The following NLRP13 variants were observed in gnomAD, a reference collection of about 807,000 sequenced individuals.
The protein encoded by NLRP13 is NLR family pyrin domain containing 13.
NLRP13 carries 82 observed loss-of-function variants against 94.4 expected under a neutral mutation model. The ratio of observed to expected loss-of-function variants is 0.87; its 90% CI spans 0.73 to 1.04. The LOEUF (loss-of-function observed/expected upper bound fraction) is 1.04, where lower values mean the gene tolerates loss of function less well. NLRP13 is among the 50% of genes least tolerant of loss of function. NLRP13 has a pLI of 0.00. For missense variants in NLRP13, 1,426 were observed against 1,230.8 expected (o/e 1.16, Z -2.37); for synonymous variants, 553 against 464.7 (o/e 1.19, Z -2.45).
intron 4 of NLRP13, among the ~76,000 whole-genome samples, chr19:55,921,690 G>A (rs1986831365): frequency 6.6e-6 from 1 of 152,138 alleles, no homozygotes; most frequent in South Asian, 2.1e-4. Flanking sequence ...GGATTATCTG[G>A]GGGGCTAATA....
chr19:55,906,975 T>C (rs895527473), intron 7 of NLRP13, among the ~76,000 whole-genome samples: 4 of 152,096 alleles, frequency 2.6e-5, no homozygotes, highest in African/African-American at 9.7e-5. Context: ...TATTTTTTTT[T>C]TTGAGTTAGA....
chr19:55,906,706 G>T (rs1481508962), intron 7 of NLRP13, among the ~76,000 whole-genome samples: 1 of 152,006 alleles, frequency 6.6e-6, no homozygotes, highest in Non-Finnish European at 1.5e-5. Context: ...TATCACAGAG[G>T]CCCCGAGACA....
intron 9 of NLRP13, among the ~76,000 whole-genome samples, chr19:55,900,297 T>TA (rs1363465968): frequency 1.3e-5 from 2 of 152,226 alleles, no homozygotes; most frequent in African/African-American, 4.8e-5. Context: ...TGGAAGTTTT[T>TA]ATCAATGGTT....
intron 1 of NLRP13, 151 bp from the exon 2 acceptor site, chr19:55,925,186 A>G (rs974126436): frequency 1.4e-6 from 1 of 699,146 alleles, no homozygotes; most frequent in Non-Finnish European, 2.5e-6. Flanking sequence ...CATTAGCCCA[A>G]CTGAAGATGC....
intron 4 of NLRP13, among the ~76,000 whole-genome samples, chr19:55,913,767 G>A (rs1007177616): frequency 2.6e-5 from 4 of 151,796 alleles, no homozygotes; most frequent in African/African-American, 9.7e-5. Context: ...GTACTTTCAG[G>A]CGGGGGGAAG....
rs568131026 is a variant in NLRP13, at chr19:55,898,427, C to T, written c.2957+343G>A. ...GTTTCCCCATGTTGGCCAGGCTTGT[C>T]TTGAGCTCCTGACCTCAGGTGATCC... On this transcript the variant is annotated intron_variant, in intron 10 of 10. Transcript: ENST00000342929. Among the ~76,000 whole-genome samples the T allele has an allele frequency of 4.6e-5, 7 of 152,276 alleles. No individual in the cohort carries two copies. In the East Asian group the frequency reaches 1.4e-3, roughly 29 times the overall value.
At chr19:55,899,480 C>T (rs1049967439) in intron 9 of NLRP13, among the ~76,000 whole-genome samples, 1 of 149,608 alleles carries the variant, frequency 6.7e-6, no homozygotes, top group East Asian at 2.0e-4. Context: ...AAACCCACCC[C>T]CCCCATCCCA....
At position 55,924,969 on chromosome 19, in the gene NLRP13, G is replaced by A; in HGVS notation, c.386C>T (p.Ala129Val). 6.2e-7 allele frequency: 1 copy of A among 1,613,368 alleles called. No individual in the cohort carries two copies. The highest frequency in any genetic ancestry group is 8.5e-7 in the Non-Finnish European group (1 of 1,179,330). Reference sequence around the variant, plus strand: ...TCAACTTAAAGTAGTGTACACACCTGCTGCTGCTTCTAGCATCTCTAGATC... The same window carrying A: ...TCAACTTAAAGTAGTGTACACACCTACTGCTGCTTCTAGCATCTCTAGATC... ...QEDLEMLEAA[A>V]GNMQTQGCQD... The change falls in exon 2 of 11, where the codon GCA (alanine) becomes GTA (valine). Residue 129 changes from alanine to valine, a missense_variant and splice_region_variant. Coordinates refer to ENST00000342929, the MANE Select transcript of NLRP13 (RefSeq NM_176810.2).
rs554800805 is a variant in NLRP13, at chr19:55,899,188, C to T, written c.2790-251G>A. On this transcript the variant is annotated intron_variant, in intron 9 of 10. Coordinates refer to ENST00000342929, the MANE Select transcript of NLRP13 (RefSeq NM_176810.2). ...CCCACGCCCCCCGCAGGTGCATGAA[C>T]GTGAAGGGCCTCTCTGTGGTGGTTA... Among the ~76,000 whole-genome samples, 2 of 152,024 alleles carry T rather than the reference C, an allele frequency of 1.3e-5. 1 individual carries two copies. Among genetic ancestry groups the T allele is most frequent in the African/African-American group, 4.8e-5 (2 of 41,396 alleles).
chr19:55,910,919 C>A (rs992201978), intron 5 of NLRP13, among the ~76,000 whole-genome samples, 186 bp from the exon 6 acceptor site: 1 of 152,168 alleles, frequency 6.6e-6, no homozygotes, highest in Admixed American at 6.5e-5. Context: ...TTGAGACCAC[C>A]ATGGCCAACA....
rs1376713086 is a variant in NLRP13 at position 55,898,956 on chromosome 19, C to T, written c.2790-19G>A. The T allele has an allele frequency of 1.2e-6, 2 of 1,603,670 alleles. No individual in the cohort carries two copies. ...TGACAAACTGCAAAATAAAAACATA[C>T]AAAAGGGGGGAAAGTAATTGCGTCC... On this transcript the variant is annotated intron_variant, in intron 9 of 10. Transcript: ENST00000342929.
At chr19:55,921,424 G>A (rs937918809) in intron 4 of NLRP13, among the ~76,000 whole-genome samples, 1 of 152,076 alleles carries the variant, frequency 6.6e-6, no homozygotes, top group Non-Finnish European at 1.5e-5. Context: ...ATATGTTTTT[G>A]TCTAGGAGTC....
rs779177856 is a variant in NLRP13, at chr19:55,912,357, G to A, written c.1460C>T (p.Ala487Val). 1.1e-5 allele frequency: 17 copies of A among 1,613,910 alleles called. No individual in the cohort carries two copies. In the South Asian group the frequency reaches 1.9e-4, roughly 18 times the overall value. ...PGQWRALCSL[A>V]IEGLWSMNFT... ...GTTCATAGACCACAGCCCTTCTATGGCCAGACTGCAGAGGGCCCTCCATTG... is the reference window on the plus strand; with the variant it reads ...GTTCATAGACCACAGCCCTTCTATGACCAGACTGCAGAGGGCCCTCCATTG... Residue 487 changes from alanine to valine, a missense_variant, in exon 5 of 11, where the codon GCC becomes GTC. Ala to Val is a moderately conservative substitution (Grantham distance 64). Coordinates refer to ENST00000342929, the MANE Select transcript of NLRP13 (RefSeq NM_176810.2).
chr19:55,917,929 CA>C (rs1986712887), intron 4 of NLRP13, among the ~76,000 whole-genome samples: 2 of 152,018 alleles, frequency 1.3e-5, no homozygotes, highest in African/African-American at 4.8e-5. Flanking sequence ...CACACATTTA[CA>C]GAACCTTCTA....
intron 4 of NLRP13, among the ~76,000 whole-genome samples, chr19:55,916,527 G>C (rs1165727662): frequency 6.6e-6 from 1 of 152,048 alleles, no homozygotes; most frequent in Non-Finnish European, 1.5e-5. Context: ...ATTTTTGAGA[G>C]AAAAATCAAA....
At chr19:55,894,638 G>C (rs1291806548), downstream of NLRP13, among the ~76,000 whole-genome samples, 1 of 152,156 alleles carries the variant, frequency 6.6e-6, no homozygotes, top group Non-Finnish European at 1.5e-5. Flanking sequence ...TCTCAACCCA[G>C]AGTTTCTTTC....
At chr19:55,930,204 G>A (rs1987077633) in intron 1 of NLRP13, among the ~76,000 whole-genome samples, 1 of 152,196 alleles carries the variant, frequency 6.6e-6, no homozygotes, top group Admixed American at 6.5e-5. Context: ...GTCAAGCACA[G>A]AGCCTTTGGA....
At chr19:55,892,575 C>G (rs1008455623), downstream of NLRP13, among the ~76,000 whole-genome samples, 1 of 152,092 alleles carries the variant, frequency 6.6e-6, no homozygotes, top group African/African-American at 2.4e-5. Flanking sequence ...GCGCACACCA[C>G]CACGCCGGCT....
rs1192124446 is a variant in NLRP13, at chr19:55,932,326, G to T, written c.-15C>A. 11 of 1,594,326 alleles carry T rather than the reference G, an allele frequency of 6.9e-6. No individual in the cohort carries two copies. Among genetic ancestry groups the T allele is most frequent in the African/African-American group, 1.4e-5 (1 of 73,368 alleles). On this transcript the variant is annotated 5_prime_UTR_variant, in exon 1 of 11. Transcript: ENST00000342929. ...GAAAAGTTCATCTTGCCCAACACAT[G>T]CAGTTTCTCACTTCAGCAAAGGACT...
Sources: gnomAD v4.1 joint callset for allele counts (sites outside exome capture counted in the v4.1 genomes callset) on GRCh38, gnomAD v4.1.1 for gene constraint, MANE v1.5 for transcripts, NCBI Gene and HGNC (gene_info 2026-07-23, HGNC 2026-07-21) for gene names.